NKD2: variants seen among roughly 807,000 people sequenced by gnomAD.
NKD2 encodes the protein protein naked cuticle homolog 2.
Under a neutral mutation model 34.8 loss-of-function variants are expected in NKD2, and 43 were observed. The ratio of observed to expected loss-of-function variants is 1.24; its 90% confidence interval spans 0.97 to 1.60. The LOEUF is 1.60. NKD2 is among the 40% of genes most tolerant of loss of function. The pLI is 0.00. For missense variants in NKD2, 675 were observed against 627.1 expected, an observed-to-expected ratio of 1.08 and a Z score of -0.82; for synonymous variants, 278 against 265.1, an observed-to-expected ratio of 1.05 and a Z score of -0.47.
chr5:1,018,978 G>A (rs1393655551), intron 3 of NKD2, among the ~76,000 whole-genome samples: 1 of 152,202 alleles, frequency 6.6e-6, no homozygotes, highest in Non-Finnish European at 1.5e-5. Context: ...TCACGCCTCT[G>A]TCCACAGCCC....
intron 8 of NKD2, 94 bp from the exon 9 acceptor site, chr5:1,036,163 C>A (rs899414324): frequency 1.4e-6 from 2 of 1,418,676 alleles, no homozygotes; most frequent in African/African-American, 1.4e-5. Flanking sequence ...CAGGATGCAC[C>A]CCGGACCCCT....
rs956531204 is a variant in NKD2, at chr5:1,009,668, C to T, written c.141+108C>T. On this transcript the variant is annotated intron_variant, in intron 3 of 9. Transcript: ENST00000296849. This position sits in a 1 kb window ranked among gnomAD's most constrained non-coding sequence, Gnocchi z 6.9. ...GCCCGCGGACAGGCGAGACGTGGGC[C>T]GCCATGGCCGCACGAGTGACCGGGG... The T allele has an allele frequency of 2.0e-5, 18 of 898,376 alleles. No homozygotes were observed. The highest frequency in any genetic ancestry group is 2.5e-5 in the Non-Finnish European group (16 of 648,428). 55.7% of individuals were successfully genotyped at this position (898,376 alleles called of 1,614,324 possible).
intron 4 of NKD2, among the ~76,000 whole-genome samples, 186 bp from the exon 5 acceptor site, chr5:1,033,186 C>T (rs969442520): frequency 6.6e-6 from 1 of 152,146 alleles, no homozygotes; most frequent in African/African-American, 2.4e-5. Flanking sequence ...GAGGGCACAC[C>T]CGGCTGTGGC....
At chr5:1,036,510 CCA>C in intron 9 of NKD2, 126 bp downstream of exon 9, 5 of 606,704 alleles carry the variant, frequency 8.2e-6, no homozygotes, top group South Asian at 4.2e-5. Flanking sequence ...CCAACCCCCC[CCA>C]CCCCACCCCA....
chr5:1,035,656 G>A (rs1041217410), intron 8 of NKD2, 183 bp downstream of exon 8: 1 of 589,070 alleles, frequency 1.7e-6, no homozygotes. Flanking sequence ...CCCTGGCTGA[G>A]CTGGGCCCCC....
At position 1,038,613 on chromosome 5, in the gene NKD2, C is replaced by T. The variant is rs1444300428; in HGVS notation, c.*240C>T. Reference sequence around the variant, plus strand: ...CGATGCCACATGGCGGTGAACACATCTGAAGCCACTATGTTTCCTGGCTCT... The same window carrying T: ...CGATGCCACATGGCGGTGAACACATTTGAAGCCACTATGTTTCCTGGCTCT... On this transcript the variant is annotated 3_prime_UTR_variant, in exon 10 of 10. Transcript: ENST00000296849. The surrounding 1 kb of genome is among the most constrained non-coding windows in gnomAD (Gnocchi z 4.5). The T allele has an allele frequency of 1.3e-5, 10 of 760,156 alleles. No homozygotes were observed. In the East Asian group the frequency reaches 2.4e-4, roughly 18 times the overall value. The allele number at this position is 760,156 out of a possible 1,614,324, so 47.1% of individuals were successfully genotyped here.
At chr5:1,013,780 G>C in intron 3 of NKD2, among the ~76,000 whole-genome samples, 1 of 152,204 alleles carries the variant, frequency 6.6e-6, no homozygotes, top group Non-Finnish European at 1.5e-5. Flanking sequence ...GCCCATGGTG[G>C]AGGCCGGAGG....
chr5:1,028,787 G>A (rs1756525818), intron 3 of NKD2, among the ~76,000 whole-genome samples: 1 of 152,084 alleles, frequency 6.6e-6, no homozygotes, highest in African/African-American at 2.4e-5. Context: ...GGATTGAGGG[G>A]GAGGGTTGGG....
At chr5:1,037,587 C>T (rs757675303) in intron 9 of NKD2, 26 of 1,535,710 alleles carry the variant, frequency 1.7e-5, no homozygotes, top group South Asian at 5.9e-5. Context: ...CTAGAGGAGT[C>T]GGCCTTTGCA....
chr5:1,011,634 A>G (rs1045287007), intron 3 of NKD2, among the ~76,000 whole-genome samples: 11 of 152,190 alleles, frequency 7.2e-5, no homozygotes, highest in African/African-American at 2.4e-4. Context: ...GTGCCACAGA[A>G]CGGTGGCAGA....
chr5:1,036,663 A>C (rs1733962938), intron 9 of NKD2: 1 of 592,928 alleles, frequency 1.7e-6, no homozygotes, highest in South Asian at 1.6e-5. Context: ...CCTGGTTCAA[A>C]GTGAGATGGA....
At position 1,038,546 on chromosome 5, in the gene NKD2, G is replaced by T. The variant is rs1345948803; in HGVS notation, c.*173G>T. ...GGCATGATGGAGGTGGTGCACCTTG[G>T]ACACGTGGACAAGGCCCAGGCGCCC... On this transcript the variant is annotated 3_prime_UTR_variant, in exon 10 of 10. Transcript: ENST00000296849. The surrounding 1 kb of genome is among the most constrained non-coding windows in gnomAD (Gnocchi z 4.5). 2 of 1,352,364 alleles carry T rather than the reference G, an allele frequency of 1.5e-6. No homozygotes were observed. The highest frequency in any genetic ancestry group is 2.0e-5 in the Admixed American group (1 of 50,616). 83.8% of individuals were successfully genotyped at this position (1,352,364 alleles called of 1,614,324 possible).
chr5:1,022,118 C>T (rs2069138823), intron 3 of NKD2, among the ~76,000 whole-genome samples: 2 of 151,892 alleles, frequency 1.3e-5, no homozygotes. Flanking sequence ...CCTTGCTGGC[C>T]CCTGTCCACC....
chr5:1,014,760 C>G (rs775333680), intron 3 of NKD2, among the ~76,000 whole-genome samples: 1 of 152,196 alleles, frequency 6.6e-6, no homozygotes, highest in Non-Finnish European at 1.5e-5. Flanking sequence ...CCTCCACCCC[C>G]GCTTTGCGGC....
Position 1,037,931 on chromosome 5 carries a change from ACGT to A in NKD2, c.918_920del (p.Val307del), listed in dbSNP as rs1425841854. The A allele has an allele frequency of 6.2e-7, 1 of 1,607,252 alleles. No homozygotes were observed. The highest frequency in any genetic ancestry group is 1.3e-5 in the African/African-American group (1 of 74,888). On this transcript the variant is annotated inframe_deletion, in exon 10 of 10. Coordinates refer to ENST00000296849, the MANE Select transcript of NKD2 (RefSeq NM_033120.4). ...CGCAGGTCACAGGTGCTGGTGGAAC[ACGT>A]CGTGCCAGCCTCGGAGCCTGCTGCC... is the stretch of plus-strand genomic sequence containing the variant.
intron 3 of NKD2, among the ~76,000 whole-genome samples, chr5:1,016,265 T>C (rs1303702673): frequency 6.6e-6 from 1 of 152,268 alleles, no homozygotes. Context: ...GCTGCACCCA[T>C]GCTGGCTGAT....
At chr5:1,018,783 C>A (rs377578074) in intron 3 of NKD2, among the ~76,000 whole-genome samples, 6 of 152,156 alleles carry the variant, frequency 3.9e-5, no homozygotes, top group Non-Finnish European at 7.3e-5. Flanking sequence ...GAGCCCTGCC[C>A]ATGCCAACCA....
rs1300650584 is a variant in NKD2 at position 1,036,505 on chromosome 5, C to G, written c.787+121C>G. ...CTGCCCTGCCCCGCCCCCCCCCAACCCCCCCCACCCCACCCCACCCAGGAC... is the reference window on the plus strand; with the variant it reads ...CTGCCCTGCCCCGCCCCCCCCCAACGCCCCCCACCCCACCCCACCCAGGAC... On this transcript the variant is annotated intron_variant, in intron 9 of 9. Coordinates refer to ENST00000296849, the MANE Select transcript of NKD2 (RefSeq NM_033120.4). 145 of 597,474 alleles carry G rather than the reference C, an allele frequency of 2.4e-4. 2 individuals carry two copies. Among genetic ancestry groups the G allele is most frequent in the Non-Finnish European group, 8.5e-5 (31 of 366,048 alleles). The allele number at this position is 597,474 out of a possible 1,614,324, so 37.0% of individuals were successfully genotyped here.
chr5:1,011,859 C>T (rs990045078), intron 3 of NKD2, among the ~76,000 whole-genome samples: 4 of 152,256 alleles, frequency 2.6e-5, no homozygotes, highest in African/African-American at 9.6e-5. Context: ...GGCGACTCTG[C>T]GGAGCGCCAC....
Sources: gnomAD v4.1 joint callset for allele counts (sites outside exome capture counted in the v4.1 genomes callset) on GRCh38, gnomAD v4.1.1 for gene constraint, Gnocchi (gnomAD v3.1) non-coding constraint, MANE v1.5 for transcripts, NCBI Gene and HGNC (gene_info 2026-07-23, HGNC 2026-07-21) for gene names.